Variants in COBLL1 observed in about 807,000 individuals in gnomAD.
COBLL1 encodes the protein cordon-bleu protein-like 1.
COBLL1 carries 50 observed loss-of-function variants against 94.8 expected under a neutral mutation model. The observed-to-expected ratio is 0.53, with a 90% CI of 0.42 to 0.67. COBLL1 has a LOEUF of 0.67. Ranked by LOEUF, COBLL1 falls within the 30% of genes least tolerant of loss-of-function variation. The pLI, the probability that COBLL1 is intolerant of heterozygous loss-of-function variation, is 0.00. For synonymous variants in COBLL1, 448 were observed against 473.8 expected (o/e 0.95, Z 0.71); for missense variants, 1,362 against 1,348.7 (o/e 1.01, Z -0.15).
rs779338264 is a variant in COBLL1 at position 164,694,756 on chromosome 2, T to C, written c.2636A>G (p.Tyr879Cys). The change falls in exon 12 of 14, where the codon TAT becomes TGT. Residue 879 changes from tyrosine to cysteine, a missense_variant. Physicochemically the swap from Tyr to Cys is radical, Grantham distance 194. Transcript: ENST00000652658. ...ACTCTTGGCAGCTGCAGATGTCACA[T>C]AGTGACCCGATACTCTCTTCTGCAT... ...LQMQKRVSGHYVTSAAAKSVH... is the reference protein window; with the variant it reads ...LQMQKRVSGHCVTSAAAKSVH... 37 of 1,613,642 alleles carry C rather than the reference T, an allele frequency of 2.3e-5. No homozygotes were observed. Among genetic ancestry groups the C allele is most frequent in the Admixed American group, 1.5e-4 (9 of 59,920 alleles).
intron 2 of COBLL1, among the ~76,000 whole-genome samples, chr2:164,823,239 A>C (rs1237949564): frequency 1.3e-5 from 2 of 152,166 alleles, no homozygotes; most frequent in Non-Finnish European, 2.9e-5. Flanking sequence ...CTGTATAGTA[A>C]TATTTTCAAT....
chr2:164,835,260 A>G (rs1369214338), intron 2 of COBLL1, among the ~76,000 whole-genome samples: 1 of 152,232 alleles, frequency 6.6e-6, no homozygotes, highest in Non-Finnish European at 1.5e-5. Context: ...TAAAATGTGA[A>G]CACAACCCAA....
At chr2:164,732,511 G>A (rs1686072121) in intron 3 of COBLL1, among the ~76,000 whole-genome samples, 1 of 152,158 alleles carries the variant, frequency 6.6e-6, no homozygotes, top group Admixed American at 6.5e-5. Flanking sequence ...AGAAGGATTA[G>A]GTAATGTCTA....
chr2:164,714,241 C>T (rs1349717943), intron 7 of COBLL1, among the ~76,000 whole-genome samples: 3 of 151,700 alleles, frequency 2.0e-5, no homozygotes, highest in Non-Finnish European at 4.4e-5. Context: ...TGAGGCAATC[C>T]GTGCTTTCAT....
chr2:164,776,348 T>G (rs355876), intron 2 of COBLL1, among the ~76,000 whole-genome samples: 35,524 of 151,952 alleles, frequency 0.23, 4,810 homozygotes, highest in African/African-American at 0.37. Context: ...TCAACCCACT[T>G]TGTTCCAGCA....
chr2:164,818,272 G>GTATACA (rs1553481993), intron 2 of COBLL1, among the ~76,000 whole-genome samples: 1 of 116,694 alleles, frequency 8.6e-6, no homozygotes. Flanking sequence ...ATACACGTAT[G>GTATACA]TATGTATACA....
intron 2 of COBLL1, among the ~76,000 whole-genome samples, chr2:164,825,542 T>C (rs1685384138): frequency 6.6e-6 from 1 of 152,324 alleles, no homozygotes; most frequent in South Asian, 2.1e-4. Context: ...ATCACTTTCT[T>C]CTTACATCAA....
At chr2:164,698,945 G>A (rs1312783687) in intron 11 of COBLL1, among the ~76,000 whole-genome samples, 1 of 151,850 alleles carries the variant, frequency 6.6e-6, no homozygotes, top group African/African-American at 2.4e-5. Context: ...TGGTAAATAA[G>A]GTTATATTAT....
chr2:164,837,584 A>C (rs1683375558), intron 2 of COBLL1: 1 of 421,470 alleles, frequency 2.4e-6, no homozygotes, highest in Non-Finnish European at 4.8e-6. Context: ...CATCTAGATC[A>C]CTATGTAAGT....
intron 2 of COBLL1, among the ~76,000 whole-genome samples, chr2:164,753,777 C>T (rs978571435): frequency 1.5e-4 from 23 of 149,546 alleles, no homozygotes; most frequent in African/African-American, 1.2e-4. Flanking sequence ...AGGCTCACTC[C>T]GTCACCCAGG....
intron 2 of COBLL1, among the ~76,000 whole-genome samples, chr2:164,831,550 T>G (rs1228389644): frequency 6.6e-6 from 1 of 151,864 alleles, no homozygotes; most frequent in Non-Finnish European, 1.5e-5. Context: ...TTTTTTTGCT[T>G]TAAGTTAAAG....
At position 164,684,236 on chromosome 2, in the gene COBLL1, T is replaced by C. The variant is rs2105402033; in HGVS notation, c.*1710A>G. 1 of 152,256 alleles carries C rather than the reference T, an allele frequency of 6.6e-6. No homozygotes were observed. The highest frequency in any genetic ancestry group is 1.9e-4 in the East Asian group (1 of 5,178). 9.4% of individuals were successfully genotyped at this position (152,256 alleles called of 1,614,324 possible). On this transcript the variant is annotated 3_prime_UTR_variant, in exon 14 of 14. Coordinates refer to ENST00000652658, the MANE Select transcript of COBLL1 (RefSeq NM_001365672.2). The stretch of plus-strand genomic sequence containing the variant: ...ATAATGTGCTGATATTTCTATTAGG[T>C]AGACTTATCATGAGTTGTAGGAACT...
chr2:164,663,967 A>G (rs1691110098), intron 2 of COBLL1, among the ~76,000 whole-genome samples: 1 of 152,234 alleles, frequency 6.6e-6, no homozygotes, highest in Non-Finnish European at 1.5e-5. Context: ...ATAAATGAAA[A>G]TAAGCTTTAA....
upstream of COBLL1, chr2:164,841,864 C>T (rs1161187189): frequency 1.1e-6 from 1 of 918,794 alleles, no homozygotes; most frequent in East Asian, 2.8e-5. This position sits in a 1 kb window ranked among gnomAD's most constrained non-coding sequence, Gnocchi z 5.5. Flanking sequence ...CCAGCGCGGG[C>T]AGGGCCGACT....
intron 2 of COBLL1, among the ~76,000 whole-genome samples, chr2:164,822,977 C>T (rs1170517993): frequency 6.6e-6 from 1 of 151,668 alleles, no homozygotes; most frequent in Non-Finnish European, 1.5e-5. Flanking sequence ...CCATGTTGGC[C>T]GGGCTGGTGA....
chr2:164,672,912 T>A (rs1691269339), intron 1 of COBLL1, among the ~76,000 whole-genome samples: 3 of 152,108 alleles, frequency 2.0e-5, no homozygotes, highest in Admixed American at 2.0e-4. Context: ...CCCAGGCCCA[T>A]AACCCAGATT....
intron 7 of COBLL1, among the ~76,000 whole-genome samples, chr2:164,706,610 C>A (rs1421685968): frequency 2.0e-5 from 3 of 152,178 alleles, no homozygotes; most frequent in African/African-American, 7.2e-5. Flanking sequence ...ATTCTCACAG[C>A]CTTCCCTGTC....
At chr2:164,692,107 A>C (rs1282735288) in intron 13 of COBLL1, 114 bp downstream of exon 13, 3 of 858,840 alleles carry the variant, frequency 3.5e-6, no homozygotes, top group African/African-American at 1.7e-5. Flanking sequence ...GACACAGAAG[A>C]GTAACTTTGG....
rs6744314 is a variant in COBLL1, at chr2:164,673,606, G to A, written n.127-7705C>T. Among the ~76,000 whole-genome samples, 487 of 152,210 alleles carry A rather than the reference G, an allele frequency of 3.2e-3. 2 individuals carry two copies. Among genetic ancestry groups the A allele is most frequent in the South Asian group, 0.024 (114 of 4,822 alleles). On this transcript the variant is annotated intron_variant and non_coding_transcript_variant, in intron 1 of 2. Coordinates refer to the COBLL1 transcript ENST00000495084. ...ATGAGAATCACTTGAACCCAGGAGC[G>A]GAGGTTGTAGTGAGCTGAGATCGGG...
Sources: allele counts gnomAD v4.1 joint callset (sites outside exome capture counted in the v4.1 genomes callset), GRCh38; gene constraint gnomAD v4.1.1; non-coding constraint Gnocchi (gnomAD v3.1); transcripts MANE v1.5; gene names NCBI Gene and HGNC (gene_info 2026-07-23, HGNC 2026-07-21).